XRCC2: variants seen among roughly 807,000 people sequenced by gnomAD.
XRCC2 encodes the protein DNA repair protein XRCC2.
XRCC2 carries 24 observed loss-of-function variants against 27.3 expected under a neutral mutation model. That is an observed-to-expected ratio of 0.88 (90% CI 0.64 to 1.24). XRCC2 has a LOEUF of 1.24. XRCC2 is among the 50% of genes most tolerant of loss of function. The pLI, the probability that XRCC2 is intolerant of heterozygous loss-of-function variation, is 0.00. For missense variants in XRCC2, 321 were observed against 325.8 expected, an observed-to-expected ratio of 0.99 and a Z score of 0.11; for synonymous variants, 106 against 115.4, an observed-to-expected ratio of 0.92 and a Z score of 0.52.
In XRCC2 at chr7:152,648,771, C is replaced by T; in HGVS notation, c.714G>A (p.Arg238=). The part of the protein sequence containing the change: ...CKAWQQLVKH[R]MFFSKQDDSQ... ...AATCATCTTGTTTGGAGAAAAACAT[C>T]CTGTGCTTCACCAGTTGCTGCCATG... Residue 238 remains arginine, a synonymous_variant, in exon 3 of 3, where the codon AGG becomes AGA. Transcript: ENST00000359321. 2 of 1,614,158 alleles carry T rather than the reference C, an allele frequency of 1.2e-6. No individual in the cohort carries two copies. The highest frequency in any genetic ancestry group is 1.7e-6 in the Non-Finnish European group (2 of 1,180,032).
In XRCC2 at chr7:152,650,948, AT is replaced by A. The variant is rs201713898; in HGVS notation, c.122-1586del. ...CTTTATTTCTTATTATTTAATTTTA[AT>A]TTTTTTTTGAGATGGAGTCTTGTTC... On this transcript the variant is annotated intron_variant, in intron 2 of 2. Coordinates refer to ENST00000359321, the MANE Select transcript of XRCC2 (RefSeq NM_005431.2). Among the ~76,000 whole-genome samples the A allele has an allele frequency of 5.5e-4, 83 of 151,720 alleles. No homozygotes were observed. In the East Asian group the frequency reaches 0.011, roughly 21 times the overall value.
At chr7:152,654,781 T>G (rs771536260) in intron 2 of XRCC2, among the ~76,000 whole-genome samples, 3 of 152,150 alleles carry the variant, frequency 2.0e-5, no homozygotes, top group Non-Finnish European at 4.4e-5. Flanking sequence ...TTTTACACAT[T>G]AATAGCAAAG....
At chr7:152,657,912 A>G (rs2098031364) in intron 2 of XRCC2, among the ~76,000 whole-genome samples, 1 of 152,216 alleles carries the variant, frequency 6.6e-6, no homozygotes, top group Non-Finnish European at 1.5e-5. Context: ...GACATAAGAC[A>G]TATATAAAAA....
At chr7:152,667,348 T>C (rs1482121809) in intron 1 of XRCC2, among the ~76,000 whole-genome samples, 3 of 132,790 alleles carry the variant, frequency 2.3e-5, no homozygotes, top group African/African-American at 5.9e-5. Flanking sequence ...GAGGTTGCGG[T>C]GAGCCGAGAT....
intron 1 of XRCC2, among the ~76,000 whole-genome samples, chr7:152,671,995 C>T (rs1332262648): frequency 1.3e-5 from 2 of 152,160 alleles, no homozygotes; most frequent in Admixed American, 1.3e-4. Context: ...GAGCTGTAAT[C>T]GTGCCACTGC....
intron 2 of XRCC2, among the ~76,000 whole-genome samples, chr7:152,652,937 C>A (rs3218517): frequency 0.024 from 3,680 of 152,190 alleles, 68 homozygotes; most frequent in Middle Eastern, 0.068. Flanking sequence ...ACATAGGAGG[C>A]AAAGCAAGAG....
At chr7:152,662,258 G>T (rs932457674) in intron 1 of XRCC2, among the ~76,000 whole-genome samples, 1 of 151,952 alleles carries the variant, frequency 6.6e-6, no homozygotes, top group Non-Finnish European at 1.5e-5. Flanking sequence ...GAGCCACCGC[G>T]CCCAGCCTAT....
intron 2 of XRCC2, among the ~76,000 whole-genome samples, chr7:152,660,325 G>A (rs1049836627): frequency 5.3e-5 from 8 of 152,076 alleles, no homozygotes; most frequent in Admixed American, 1.3e-4. Context: ...CAACCTAAGC[G>A]CACGCCCTTA....
At chr7:152,668,277 C>CT (rs571224861) in intron 1 of XRCC2, among the ~76,000 whole-genome samples, 40 of 152,106 alleles carry the variant, frequency 2.6e-4, no homozygotes, top group Admixed American at 5.9e-4. Flanking sequence ...CATATCCATG[C>CT]TGTACACACT....
At chr7:152,675,889 C>T in intron 1 of XRCC2, 152 bp downstream of exon 1, 3 of 981,790 alleles carry the variant, frequency 3.1e-6, no homozygotes, top group Admixed American at 2.2e-5. Context: ...GCAGAGGGTG[C>T]CAGCATCGCG....
intron 2 of XRCC2, among the ~76,000 whole-genome samples, chr7:152,650,300 C>T (rs1399333252): frequency 1.3e-5 from 2 of 152,320 alleles, no homozygotes; most frequent in East Asian, 3.9e-4. Flanking sequence ...TTTGAATTAT[C>T]TCTGGAAACC....
chr7:152,663,335 T>A (rs3218454), intron 1 of XRCC2, among the ~76,000 whole-genome samples: 6,820 of 107,398 alleles, frequency 0.064, 267 homozygotes, highest in Non-Finnish European at 0.095. Flanking sequence ...TACGTAAGAA[T>A]GTCTTTGAAG....
At chr7:152,656,348 ACC>A (rs1249534591) in intron 2 of XRCC2, among the ~76,000 whole-genome samples, 2 of 152,058 alleles carry the variant, frequency 1.3e-5, no homozygotes, top group African/African-American at 4.8e-5. Flanking sequence ...ATATGGTGAA[ACC>A]CCATCTCTAC....
In XRCC2 at chr7:152,646,043, G is replaced by T. The variant is rs2098025680; in HGVS notation, c.*2599C>A. The T allele has an allele frequency of 6.6e-6, 1 of 152,160 alleles. No homozygotes were observed. The highest frequency in any genetic ancestry group is 2.1e-4 in the South Asian group (1 of 4,830). The allele number at this position is 152,160 out of a possible 1,614,324, so 9.4% of individuals were successfully genotyped here. The stretch of plus-strand genomic sequence containing the variant: ...GAGTTAAATACACCATCTCCTCTGT[G>T]CTTTGGATCTGTCCTGCTGTATTCG... On this transcript the variant is annotated 3_prime_UTR_variant, in exon 3 of 3. Transcript: ENST00000359321.
intron 1 of XRCC2, among the ~76,000 whole-genome samples, chr7:152,670,818 C>G (rs1004079094): frequency 6.6e-6 from 1 of 152,074 alleles, no homozygotes; most frequent in Non-Finnish European, 1.5e-5. Context: ...AGGCTGGTCT[C>G]GAACTCAGGT....
At chr7:152,658,505 T>C (rs951857016) in intron 2 of XRCC2, among the ~76,000 whole-genome samples, 17 of 152,346 alleles carry the variant, frequency 1.1e-4, no homozygotes, top group African/African-American at 3.8e-4. Context: ...TACATTGACA[T>C]TGCTGCAAAG....
rs1387312849 is a variant in XRCC2, at chr7:152,647,540, TAA to T, written c.*1100_*1101del. On this transcript the variant is annotated 3_prime_UTR_variant, in exon 3 of 3. Coordinates refer to ENST00000359321, the MANE Select transcript of XRCC2 (RefSeq NM_005431.2). Reference sequence around the variant, plus strand: ...ATTTTTACTGTTTTGGGTTTTACATTAAGTCTTTAATCCATCTTGAGTTAATT... The same window carrying T: ...ATTTTTACTGTTTTGGGTTTTACATTGTCTTTAATCCATCTTGAGTTAATT... 15 of 152,232 alleles carry T rather than the reference TAA, an allele frequency of 9.9e-5. No homozygotes were observed. Among genetic ancestry groups the T allele is most frequent in the African/African-American group, 4.8e-5 (2 of 41,456 alleles). The allele number at this position is 152,232 out of a possible 1,614,324, so 9.4% of individuals were successfully genotyped here. A position where few individuals can be genotyped will look rare whatever the true frequency, so the allele number is the denominator to read the frequency against.
At position 152,648,427 on chromosome 7, in the gene XRCC2, A is replaced by G. The variant is rs2098026982; in HGVS notation, c.*215T>C. The stretch of plus-strand genomic sequence containing the variant: ...TGTTTCAAAAAGAAAAAAAAAAAAA[A>G]AGAAAACTTTTGGCCACGAGCAGTG... On this transcript the variant is annotated 3_prime_UTR_variant, in exon 3 of 3. Coordinates refer to ENST00000359321, the MANE Select transcript of XRCC2 (RefSeq NM_005431.2). 2.8e-6 allele frequency: 1 copy of G among 355,624 alleles called. No individual in the cohort carries two copies. Among genetic ancestry groups the G allele is most frequent in the Non-Finnish European group, 4.9e-6 (1 of 203,632 alleles). 22.0% of individuals were successfully genotyped at this position (355,624 alleles called of 1,614,324 possible). A position where few individuals can be genotyped will look rare whatever the true frequency, so the allele number is the denominator to read the frequency against.
At chr7:152,651,313 A>G (rs1367475515) in intron 2 of XRCC2, among the ~76,000 whole-genome samples, 1 of 151,922 alleles carries the variant, frequency 6.6e-6, no homozygotes, top group Non-Finnish European at 1.5e-5. Flanking sequence ...TAGGCTGGGT[A>G]CAGTAGCTCA....
Sources: gnomAD v4.1 joint callset for allele counts (sites outside exome capture counted in the v4.1 genomes callset) on GRCh38, gnomAD v4.1.1 for gene constraint, MANE v1.5 for transcripts, NCBI Gene and HGNC (gene_info 2026-07-23, HGNC 2026-07-21) for gene names.